SV2C: variants seen among roughly 807,000 people sequenced by gnomAD.
SV2C encodes synaptic vesicle glycoprotein 2C.
In SV2C, 49 loss-of-function variants were observed where a neutral mutation model predicts 79.7. The ratio of observed to expected loss-of-function variants is 0.61; its 90% confidence interval spans 0.49 to 0.78. The LOEUF (loss-of-function observed/expected upper bound fraction) is 0.78, where lower values mean the gene tolerates loss of function less well. Among genes scored for constraint, SV2C ranks in the 30% least tolerant of loss-of-function variants. The pLI, the probability that SV2C is intolerant of heterozygous loss-of-function variation, is 0.00. For synonymous variants in SV2C, 334 were observed against 333.2 expected, an observed-to-expected ratio of 1.00 and a Z score of -0.03; for missense variants, 833 against 912.9, an observed-to-expected ratio of 0.91 and a Z score of 1.13.
the SV2C span, among the ~76,000 whole-genome samples, chr5:75,888,042 T>C: frequency 6.6e-6 from 1 of 152,164 alleles, no homozygotes; most frequent in Admixed American, 6.5e-5. Flanking sequence ...CAATTGTTTT[T>C]TTAAAAAGGA....
At chr5:76,014,007 G>C in the SV2C span, among the ~76,000 whole-genome samples, 5 of 152,002 alleles carry the variant, frequency 3.3e-5, no homozygotes, top group African/African-American at 1.2e-4. Context: ...AATGCTAAGT[G>C]GGACTTCTGA....
chr5:76,327,678 T>C lies in SV2C; in HGVS notation c.*2131T>C, dbSNP rs753335002. 2 of 152,054 alleles carry C rather than the reference T, an allele frequency of 1.3e-5. No individual in the cohort carries two copies. The highest frequency in any genetic ancestry group is 2.9e-5 in the Non-Finnish European group (2 of 68,002). The allele number at this position is 152,054 out of a possible 1,614,324, so 9.4% of individuals were successfully genotyped here. A position where few individuals can be genotyped will look rare whatever the true frequency, so the allele number is the denominator to read the frequency against. On this transcript the variant is annotated 3_prime_UTR_variant, in exon 13 of 13. Coordinates refer to ENST00000502798, the MANE Select transcript of SV2C (RefSeq NM_014979.4). ...CTCCATCAACCCATCAAAAGAAAAA[T>C]AGAAATGTACATGGGCATCGCTGTC...
the SV2C span, chr5:75,910,359 T>C: frequency 7.1e-6 from 4 of 566,336 alleles, no homozygotes; most frequent in South Asian, 2.8e-5. Flanking sequence ...TTCCCTACGA[T>C]GGCCTTCAGC....
chr5:76,011,157 A>G, the SV2C span, among the ~76,000 whole-genome samples: 2 of 152,212 alleles, frequency 1.3e-5, no homozygotes, highest in Non-Finnish European at 2.9e-5. Context: ...CGGAGGTTCT[A>G]TGTAGATACA....
chr5:76,012,856 T>G, the SV2C span, among the ~76,000 whole-genome samples: 1 of 152,340 alleles, frequency 6.6e-6, no homozygotes, highest in South Asian at 2.1e-4. Flanking sequence ...ATTTATTAAA[T>G]AGGGAATCAT....
At chr5:76,017,668 C>A in the SV2C span, among the ~76,000 whole-genome samples, 1 of 152,144 alleles carries the variant, frequency 6.6e-6, no homozygotes, top group African/African-American at 2.4e-5. Flanking sequence ...CATTATTTAA[C>A]CAACACAAAA....
At chr5:76,199,775 G>A (rs1744378762) in intron 3 of SV2C, among the ~76,000 whole-genome samples, 2 of 152,212 alleles carry the variant, frequency 1.3e-5, no homozygotes, top group African/African-American at 4.8e-5. Flanking sequence ...TACTTGATCT[G>A]TATAAGTAGA....
intron 2 of SV2C, among the ~76,000 whole-genome samples, chr5:76,139,073 T>C (rs1749165258): frequency 1.3e-5 from 2 of 151,894 alleles, no homozygotes; most frequent in African/African-American, 2.4e-5. Flanking sequence ...GAGCTGAGAT[T>C]GTGCCACTGC....
intron 4 of SV2C, among the ~76,000 whole-genome samples, chr5:76,254,451 TG>T (rs909840593): frequency 1.3e-4 from 20 of 152,182 alleles, no homozygotes; most frequent in African/African-American, 4.6e-4. Context: ...CAAACCTCCA[TG>T]TTTAGCTTTA....
chr5:76,200,753 C>T (rs1235740924), intron 3 of SV2C, among the ~76,000 whole-genome samples: 1 of 152,198 alleles, frequency 6.6e-6, no homozygotes, highest in Non-Finnish European at 1.5e-5. Context: ...GATCCTCCTA[C>T]CTCAGCATCC....
At chr5:76,111,011 T>G (rs1052791944) in intron 1 of SV2C, among the ~76,000 whole-genome samples, 1 of 152,252 alleles carries the variant, frequency 6.6e-6, no homozygotes, top group South Asian at 2.1e-4. Context: ...TAGGTACTTA[T>G]GAGGATCAAG....
chr5:76,117,282 A>G (rs778992727), intron 1 of SV2C, among the ~76,000 whole-genome samples: 1 of 152,226 alleles, frequency 6.6e-6, no homozygotes, highest in Non-Finnish European at 1.5e-5. Flanking sequence ...TATTTTCTAT[A>G]TATAGGTATG....
chr5:76,124,573 T>C (rs1748638806), intron 1 of SV2C, among the ~76,000 whole-genome samples: 1 of 152,224 alleles, frequency 6.6e-6, no homozygotes, highest in Non-Finnish European at 1.5e-5. Flanking sequence ...GTTAGAATCA[T>C]AGATGTATAA....
At chr5:76,016,894 G>A in the SV2C span, among the ~76,000 whole-genome samples, 5 of 152,190 alleles carry the variant, frequency 3.3e-5, no homozygotes, top group Admixed American at 1.3e-4. Flanking sequence ...TCCTTGCTCA[G>A]CAGGCAAAGG....
At chr5:76,282,265 C>G (rs1221259434) in intron 4 of SV2C, among the ~76,000 whole-genome samples, 1 of 152,142 alleles carries the variant, frequency 6.6e-6, no homozygotes, top group Non-Finnish European at 1.5e-5. Context: ...ACATAATAAG[C>G]AAATTGCAAT....
the SV2C span, among the ~76,000 whole-genome samples, chr5:75,931,848 T>C: frequency 1.3e-5 from 2 of 152,198 alleles, no homozygotes; most frequent in African/African-American, 4.8e-5. Flanking sequence ...AATTCCTTTC[T>C]TTGTGCTTCT....
intron 4 of SV2C, among the ~76,000 whole-genome samples, chr5:76,224,097 T>C (rs187947442): frequency 1.5e-3 from 231 of 152,250 alleles, no homozygotes; most frequent in Middle Eastern, 3.4e-3. Context: ...CATAATTCAG[T>C]CCATAAAACC....
chr5:76,050,535 A>G, the SV2C span, among the ~76,000 whole-genome samples: 1 of 151,930 alleles, frequency 6.6e-6, no homozygotes, highest in Non-Finnish European at 1.5e-5. Context: ...ATGTTCCTTC[A>G]CTCATTTGTT....
At chr5:75,900,174 G>A in the SV2C span, among the ~76,000 whole-genome samples, 2,519 of 152,166 alleles carry the variant, frequency 0.017, 35 homozygotes, top group African/African-American at 0.043. Flanking sequence ...GGTCTTTACA[G>A]TTTCCATGAT....
Sources: gnomAD v4.1 joint callset for allele counts (sites outside exome capture counted in the v4.1 genomes callset) on GRCh38, gnomAD v4.1.1 for gene constraint, MANE v1.5 for transcripts, NCBI Gene and HGNC (gene_info 2026-07-23, HGNC 2026-07-21) for gene names.